Variants in CECR2 observed in about 807,000 individuals in gnomAD.
The protein encoded by CECR2 is CECR2 histone acetyl-lysine reader.
CECR2 carries 30 observed loss-of-function variants against 154.5 expected under a neutral mutation model. That is an observed-to-expected ratio of 0.19 (90% CI 0.15 to 0.26). The LOEUF (loss-of-function observed/expected upper bound fraction) is 0.26. Among genes scored for constraint, CECR2 ranks in the 10% least tolerant of loss-of-function variants. The pLI is 1.00. For missense variants in CECR2, 1,743 were observed against 1,829.3 expected (o/e 0.95, Z 0.86); for synonymous variants, 725 against 683.7 (o/e 1.06, Z -0.94).
intron 1 of CECR2, among the ~76,000 whole-genome samples, chr22:17,467,586 A>G (rs1298804038): frequency 2.0e-5 from 3 of 152,130 alleles, no homozygotes; most frequent in Non-Finnish European, 2.9e-5. Flanking sequence ...GTTCAAGACC[A>G]GCCTGGCCAA....
At chr22:17,364,549 C>T (rs1254697738), upstream of CECR2, among the ~76,000 whole-genome samples, 5 of 152,096 alleles carry the variant, frequency 3.3e-5, no homozygotes, top group South Asian at 2.1e-4. Flanking sequence ...CAGTGGCTCA[C>T]GCCTTGTAAC....
chr22:17,380,807 C>T (rs1228868571), intron 1 of CECR2, among the ~76,000 whole-genome samples: 1 of 152,192 alleles, frequency 6.6e-6, no homozygotes, highest in Non-Finnish European at 1.5e-5. Flanking sequence ...GTTCAGCAGT[C>T]TTGTTGACTG....
At chr22:17,375,895 C>T (rs919034193) in intron 1 of CECR2, among the ~76,000 whole-genome samples, 3 of 150,916 alleles carry the variant, frequency 2.0e-5, no homozygotes, top group Non-Finnish European at 4.4e-5. Flanking sequence ...ACGGAGGTTG[C>T]GGTGAGCTGA....
intron 2 of CECR2, among the ~76,000 whole-genome samples, chr22:17,489,651 T>A: frequency 6.6e-6 from 1 of 152,004 alleles, no homozygotes; most frequent in Admixed American, 6.6e-5. Context: ...TAGAGACAGG[T>A]CTTGATATAT....
At chr22:17,382,035 C>A (rs1248636742) in intron 1 of CECR2, among the ~76,000 whole-genome samples, 5 of 146,648 alleles carry the variant, frequency 3.4e-5, no homozygotes, top group African/African-American at 1.2e-4. Context: ...CTACAGGCGC[C>A]TGCCACCACG....
chr22:17,494,304 G>A (rs907189832), intron 2 of CECR2, among the ~76,000 whole-genome samples: 2 of 152,240 alleles, frequency 1.3e-5, no homozygotes, highest in Middle Eastern at 3.4e-3. Context: ...TCTCCATGTC[G>A]GCCTCCCAAA....
rs1240821807 is a variant in CECR2, at chr22:17,548,201, G to C, written c.2914G>C (p.Gly972Arg). 6.3e-7 allele frequency: 1 copy of C among 1,590,366 alleles called. No homozygotes were observed. Among genetic ancestry groups the C allele is most frequent in the Non-Finnish European group, 8.6e-7 (1 of 1,168,400 alleles). ...ACCACCAGGTGTTGGTACTTCAGAG[G>C]GGGTCTACCTCACACAACTACCTCA... is the stretch of plus-strand genomic sequence containing the variant. ...EKPPGVGTSE[G>R]VYLTQLPHPT... Residue 972 changes from glycine (G) to arginine (R), a missense_variant, in exon 17 of 19, where the codon GGG (glycine) becomes CGG (arginine). By Grantham distance (125) the Gly-to-Arg change is moderately radical. Around this residue, in one of 4 missense-constraint regions of CECR2, gnomAD observed 1,250 missense variants for 1,192.1 expected, o/e 1.05. Transcript: ENST00000262608.
intron 2 of CECR2, among the ~76,000 whole-genome samples, chr22:17,485,384 C>A (rs760347954): frequency 1.3e-5 from 2 of 152,266 alleles, no homozygotes; most frequent in Middle Eastern, 3.4e-3. Flanking sequence ...ATTTTTAACT[C>A]TTTGACATAC....
At chr22:17,415,135 A>G (rs572040274) in intron 1 of CECR2, among the ~76,000 whole-genome samples, 3 of 152,208 alleles carry the variant, frequency 2.0e-5, no homozygotes, top group Non-Finnish European at 4.4e-5. Context: ...ACATGAGTGA[A>G]TATGAACCTT....
chr22:17,536,260 TAAAAA>T (rs1003926076), intron 9 of CECR2, among the ~76,000 whole-genome samples: 7 of 151,940 alleles, frequency 4.6e-5, no homozygotes, highest in Admixed American at 2.0e-4. Flanking sequence ...AAAATAAAAA[TAAAAA>T]AGAAAAGAAA....
chr22:17,406,337 A>G (rs755780338), intron 1 of CECR2, among the ~76,000 whole-genome samples: 1 of 152,148 alleles, frequency 6.6e-6, no homozygotes, highest in Non-Finnish European at 1.5e-5. Context: ...CCTGGCCAAC[A>G]TGACGAAACC....
chr22:17,405,485 A>AAATAAT (rs2053969173), intron 1 of CECR2, among the ~76,000 whole-genome samples: 6 of 149,568 alleles, frequency 4.0e-5, no homozygotes, highest in Admixed American at 3.3e-4. Context: ...TATAAAATAA[A>AAATAAT]ATAAATTAGA....
intron 1 of CECR2, among the ~76,000 whole-genome samples, chr22:17,415,103 C>A (rs1388484209): frequency 6.6e-6 from 1 of 152,102 alleles, no homozygotes; most frequent in Non-Finnish European, 1.5e-5. Context: ...CAGTGCCTAG[C>A]GGTGGGCACT....
chr22:17,404,118 G>A (rs2053937751), intron 1 of CECR2, among the ~76,000 whole-genome samples: 1 of 151,310 alleles, frequency 6.6e-6, no homozygotes, highest in Non-Finnish European at 1.5e-5. Context: ...AATTAGCCGG[G>A]CGTCATGTTG....
At chr22:17,377,256 TTCTC>T (rs756818172) in intron 1 of CECR2, among the ~76,000 whole-genome samples, 4 of 152,212 alleles carry the variant, frequency 2.6e-5, no homozygotes, top group Non-Finnish European at 4.4e-5. Flanking sequence ...AATTTTTTCT[TTCTC>T]TTTCTCTGGC....
chr22:17,510,633 G>A (rs946637323), intron 7 of CECR2, among the ~76,000 whole-genome samples: 10 of 151,974 alleles, frequency 6.6e-5, no homozygotes, highest in Middle Eastern at 3.2e-3. Flanking sequence ...ATGGAGTCTC[G>A]CTCTGTCGCC....
At chr22:17,497,618 C>T (rs767068061) in intron 3 of CECR2, 32 bp downstream of exon 3, 6 of 1,600,666 alleles carry the variant, frequency 3.7e-6, no homozygotes, top group Non-Finnish European at 5.1e-6. Flanking sequence ...TTCCCTGTAG[C>T]TGTGAAAAGC....
chr22:17,489,022 G>C (rs1421496776), intron 2 of CECR2, among the ~76,000 whole-genome samples: 1 of 152,154 alleles, frequency 6.6e-6, no homozygotes, highest in Non-Finnish European at 1.5e-5. Flanking sequence ...TGCTATCTCT[G>C]CTCACTGCAA....
intron 1 of CECR2, among the ~76,000 whole-genome samples, chr22:17,409,321 C>T (rs1053238117): frequency 2.7e-5 from 3 of 109,964 alleles, no homozygotes; most frequent in East Asian, 2.0e-4. Context: ...TTAATAGAGA[C>T]GGGGTTTCAC....
Sources: allele counts gnomAD v4.1 joint callset (sites outside exome capture counted in the v4.1 genomes callset), GRCh38; gene constraint gnomAD v4.1.1; regional missense constraint gnomAD v4.1.1; transcripts MANE v1.5; gene names NCBI Gene and HGNC (gene_info 2026-07-23, HGNC 2026-07-21).